Variants in RBFOX2 observed in about 807,000 individuals in gnomAD.
RBFOX2 encodes the protein RNA binding protein fox-1 homolog 2.
Under a neutral mutation model 49.1 loss-of-function variants are expected in RBFOX2, and 10 were observed. That is an observed-to-expected ratio of 0.20 (90% CI 0.13 to 0.35). RBFOX2 has a LOEUF of 0.35. Among genes scored for constraint, RBFOX2 ranks in the 10% least tolerant of loss-of-function variants. The probability of loss-of-function intolerance (pLI) is 1.00; values close to 1 mark genes in which losing one functional copy is unlikely to be tolerated. For synonymous variants in RBFOX2, 183 were observed against 187.4 expected (o/e 0.98, Z 0.19); for missense variants, 323 against 486.9 (o/e 0.66, Z 3.17).
chr22:35,835,109 G>GATAAA (rs1957418350), intron 1 of RBFOX2, among the ~76,000 whole-genome samples: 1 of 152,184 alleles, frequency 6.6e-6, no homozygotes, highest in Admixed American at 6.5e-5. Flanking sequence ...TTACTGCAGG[G>GATAAA]GAGCCTTGTA....
upstream of RBFOX2, among the ~76,000 whole-genome samples, chr22:35,941,924 T>A (rs967801859): frequency 3.9e-5 from 6 of 152,212 alleles, no homozygotes; most frequent in Non-Finnish European, 8.8e-5. Context: ...CCTGTATATA[T>A]CTGTCTCTTA....
intron 6 of RBFOX2, among the ~76,000 whole-genome samples, chr22:35,762,664 C>T (rs1939355672): frequency 6.6e-6 from 1 of 151,842 alleles, no homozygotes; most frequent in Non-Finnish European, 1.5e-5. Flanking sequence ...TGCCACCATG[C>T]CTGGCTAGTT....
chr22:35,796,000 T>A (rs976058583), intron 2 of RBFOX2, among the ~76,000 whole-genome samples: 2 of 152,156 alleles, frequency 1.3e-5, no homozygotes, highest in African/African-American at 4.8e-5. Flanking sequence ...AAAAACTTCT[T>A]AATTTTTATT....
upstream of RBFOX2, among the ~76,000 whole-genome samples, chr22:35,965,794 A>C (rs2056524809): frequency 6.6e-6 from 1 of 152,228 alleles, no homozygotes; most frequent in African/African-American, 2.4e-5. Context: ...CAAGCTCGAC[A>C]GGAAAAGGAT....
At chr22:35,906,373 A>G (rs935248834) in intron 1 of RBFOX2, among the ~76,000 whole-genome samples, 4 of 152,242 alleles carry the variant, frequency 2.6e-5, no homozygotes, top group Non-Finnish European at 5.9e-5. Flanking sequence ...TACAATAATC[A>G]TACATTTTAT....
At chr22:36,028,729 C>T (rs184300204) in exon 1 of RBFOX2, among the ~76,000 whole-genome samples, 163 of 151,774 alleles carry the variant, frequency 1.1e-3, no homozygotes, top group Non-Finnish European at 1.6e-3. Context: ...CCCGCCGCGC[C>T]GCCCCGCCTC....
intron 4 of RBFOX2, among the ~76,000 whole-genome samples, chr22:35,772,455 C>A (rs974154918): frequency 6.6e-6 from 1 of 152,018 alleles, no homozygotes; most frequent in Non-Finnish European, 1.5e-5. Flanking sequence ...GCTTAACATT[C>A]TTTTTTTGTG....
At chr22:35,822,085 C>A in intron 1 of RBFOX2, 1 of 448,736 alleles carries the variant, frequency 2.2e-6, no homozygotes, top group Non-Finnish European at 4.5e-6. Flanking sequence ...CTCCTGCTTT[C>A]CTGAGATGGT....
intron 1 of RBFOX2, chr22:35,993,490 A>T (rs2058063303): frequency 6.6e-6 from 1 of 152,240 alleles, no homozygotes; most frequent in Admixed American, 6.5e-5. Context: ...AAATTTAAGT[A>T]GATCCTCCTG....
chr22:35,746,515 G>A lies in RBFOX2; in HGVS notation c.934C>T (p.Gln312Ter). The change falls in exon 10 of 12, where the codon CAG (glutamine) becomes TAG (stop). Residue 312 changes from glutamine to a stop codon, truncating the protein, a stop_gained. Coordinates refer to ENST00000405409, the Ensembl canonical transcript of RBFOX2. LOFTEE classifies it high-confidence loss of function. ...TGCAGCGGCTGCAGCAGCGGTGGCT[G>A]CGGTTGCAGTAGCAGGCTGTGCATA... is the stretch of plus-strand genomic sequence containing the variant. 1.2e-6 allele frequency: 2 copies of A among 1,610,750 alleles called. No individual in the cohort carries two copies. Among genetic ancestry groups the A allele is most frequent in the South Asian group, 1.1e-5 (1 of 90,704 alleles).
At chr22:35,943,658 C>T (rs530455884), upstream of RBFOX2, among the ~76,000 whole-genome samples, 9 of 152,076 alleles carry the variant, frequency 5.9e-5, no homozygotes, top group East Asian at 1.6e-3. Flanking sequence ...CAGCACTTTG[C>T]GAGGCTGAGG....
intron 4 of RBFOX2, among the ~76,000 whole-genome samples, chr22:35,769,372 A>C (rs143066818): frequency 1.1e-3 from 163 of 152,304 alleles, no homozygotes; most frequent in African/African-American, 3.6e-3. Flanking sequence ...TAACTCATTA[A>C]GTAGACAAAT....
chr22:35,867,769 A>C (rs181686490), intron 1 of RBFOX2, among the ~76,000 whole-genome samples: 3 of 152,306 alleles, frequency 2.0e-5, no homozygotes, highest in East Asian at 1.9e-4. Flanking sequence ...AAATTTTTTT[A>C]AATTTTTTCT....
At chr22:35,931,398 C>A (rs529385645) in intron 1 of RBFOX2, among the ~76,000 whole-genome samples, 1 of 151,460 alleles carries the variant, frequency 6.6e-6, no homozygotes, top group East Asian at 1.9e-4. Context: ...TACTTCTGAA[C>A]CATTTTAATT....
At chr22:35,777,895 A>G in intron 4 of RBFOX2, 130 bp downstream of exon 5, 1 of 932,708 alleles carries the variant, frequency 1.1e-6, no homozygotes, top group African/African-American at 1.7e-5. Flanking sequence ...GATAATCTAA[A>G]CCAAGGTGGA....
intron 1 of RBFOX2, among the ~76,000 whole-genome samples, chr22:35,988,548 A>G (rs930070513): frequency 2.0e-5 from 3 of 152,162 alleles, no homozygotes; most frequent in Non-Finnish European, 2.9e-5. Context: ...TAAGACCAAT[A>G]AACCGAGATC....
At chr22:36,023,119 T>A (rs1287434278) in intron 1 of RBFOX2, among the ~76,000 whole-genome samples, 4 of 151,996 alleles carry the variant, frequency 2.6e-5, no homozygotes, top group African/African-American at 9.7e-5. Flanking sequence ...AGCACCATGC[T>A]TAGTTTCAGC....
At chr22:35,898,421 T>A in intron 1 of RBFOX2, 5 of 206,350 alleles carry the variant, frequency 2.4e-5, no homozygotes, top group Non-Finnish European at 3.7e-5. Context: ...CCACAATCCT[T>A]TTTTTTTTTT....
intron 2 of RBFOX2, among the ~76,000 whole-genome samples, chr22:35,787,948 C>CTATA (rs1329599379): frequency 2.0e-5 from 3 of 152,170 alleles, no homozygotes; most frequent in Non-Finnish European, 4.4e-5. Context: ...TGGCTAAAAC[C>CTATA]TATACATCTA....
Sources: gnomAD v4.1 joint callset for allele counts (sites outside exome capture counted in the v4.1 genomes callset) on GRCh38, gnomAD v4.1.1 for gene constraint, MANE v1.5 for transcripts, NCBI Gene and HGNC (gene_info 2026-07-23, HGNC 2026-07-21) for gene names.